CHST12: variants seen among roughly 807,000 people sequenced by gnomAD.
CHST12 encodes the protein carbohydrate (chondroitin 4) sulfotransferase 12.
A neutral mutation model predicts 27.9 loss-of-function variants in CHST12; 23 were observed. The ratio of observed to expected loss-of-function variants is 0.82; its 90% CI spans 0.59 to 1.17. The LOEUF is 1.17. CHST12 is among the 50% of genes most tolerant of loss of function. The probability of loss-of-function intolerance (pLI) is 0.00; values close to 1 mark genes in which losing one functional copy is unlikely to be tolerated. For synonymous variants in CHST12, 322 were observed against 273.0 expected (o/e 1.18, Z -1.77); for missense variants, 682 against 603.0 (o/e 1.13, Z -1.37).
chr7:2,441,245 C>G lies in CHST12; in HGVS notation c.*7361C>G, dbSNP rs1470031830. On this transcript the variant is annotated 3_prime_UTR_variant, in exon 2 of 2. Coordinates refer to ENST00000618655, the MANE Select transcript of CHST12 (RefSeq NM_018641.5). The stretch of plus-strand genomic sequence containing the variant: ...GGGGAGGGAGACAACAGAGCTGCCA[C>G]CTGCTCACCGCAGACCCAGGGGCCC... 6.6e-6 allele frequency: 1 copy of G among 152,340 alleles called. No homozygotes were observed. Among genetic ancestry groups the G allele is most frequent in the African/African-American group, 2.4e-5 (1 of 41,438 alleles). The allele number at this position is 152,340 out of a possible 1,614,324, so 9.4% of individuals were successfully genotyped here. A position where few individuals can be genotyped will look rare whatever the true frequency, so the allele number is the denominator to read the frequency against.
intron 1 of CHST12, among the ~76,000 whole-genome samples, chr7:2,421,815 C>G (rs915225506): frequency 6.6e-6 from 1 of 152,158 alleles, no homozygotes; most frequent in Non-Finnish European, 1.5e-5. Flanking sequence ...GTTCTCCCGC[C>G]TCAGCCTCCC....
rs1367400418 is a variant in CHST12, at chr7:2,445,336, AAAG to A, written c.*11453_*11455del. On this transcript the variant is annotated 3_prime_UTR_variant, in exon 2 of 2. Coordinates refer to ENST00000618655, the MANE Select transcript of CHST12 (RefSeq NM_018641.5). ...GGTGGATGTTTTGCATCTTCAGAAA[AAAG>A]CTCCTGTGGGATATTTCTCCTCCAG... 6.6e-6 allele frequency: 1 copy of A among 152,198 alleles called. No homozygotes were observed. The highest frequency in any genetic ancestry group is 1.5e-5 in the Non-Finnish European group (1 of 68,102). The allele number at this position is 152,198 out of a possible 1,614,324, so 9.4% of individuals were successfully genotyped here.
At chr7:2,404,086 G>T (rs1353631598) in intron 1 of CHST12, 1 of 152,460 alleles carries the variant, frequency 6.6e-6, no homozygotes, top group East Asian at 1.9e-4. Context: ...CAATTCCCGG[G>T]CTTGGAGTTC....
intron 1 of CHST12, among the ~76,000 whole-genome samples, chr7:2,430,288 C>T (rs1459795610): frequency 6.6e-6 from 1 of 151,886 alleles, no homozygotes; most frequent in Non-Finnish European, 1.5e-5. Flanking sequence ...TAAAATATTT[C>T]AATTCTTTTA....
chr7:2,409,378 G>A (rs1781605973), intron 1 of CHST12, among the ~76,000 whole-genome samples: 2 of 152,154 alleles, frequency 1.3e-5, no homozygotes, highest in Admixed American at 1.3e-4. Flanking sequence ...ACTTCAGGAG[G>A]CCGAGGCAGG....
intron 1 of CHST12, among the ~76,000 whole-genome samples, 199 bp downstream of exon 1, chr7:2,403,872 C>T (rs1781449897): frequency 6.6e-6 from 1 of 152,046 alleles, no homozygotes; most frequent in Non-Finnish European, 1.5e-5. Context: ...TGGCCCTGCG[C>T]GCGCCCTCTC....
intron 1 of CHST12, among the ~76,000 whole-genome samples, chr7:2,418,443 G>A (rs1781868865): frequency 6.6e-6 from 1 of 152,272 alleles, no homozygotes; most frequent in South Asian, 2.1e-4. Flanking sequence ...GCAGCCCACG[G>A]TTGGTGTGCC....
chr7:2,424,730 CCCT>C (rs1159055326), intron 1 of CHST12, among the ~76,000 whole-genome samples: 2 of 152,206 alleles, frequency 1.3e-5, no homozygotes, highest in African/African-American at 4.8e-5. Flanking sequence ...AGCCTGCTCC[CCCT>C]CCTCTGTGAC....
At chr7:2,412,115 G>T (rs1022708200) in intron 1 of CHST12, among the ~76,000 whole-genome samples, 4 of 152,162 alleles carry the variant, frequency 2.6e-5, no homozygotes, top group African/African-American at 9.7e-5. Flanking sequence ...TTTTCATTCA[G>T]GTCTCCTGGG....
In CHST12 at chr7:2,435,375, C is replaced by CTA. The variant is rs1386022897; in HGVS notation, c.*1492_*1493insAT. 1 of 152,236 alleles carries CTA rather than the reference C, an allele frequency of 6.6e-6. No individual in the cohort carries two copies. Among genetic ancestry groups the CTA allele is most frequent in the Non-Finnish European group, 1.5e-5 (1 of 68,098 alleles). The allele number at this position is 152,236 out of a possible 1,614,324, so 9.4% of individuals were successfully genotyped here. ...GTCACCAAGAAGAGGCTCCGTGTGA[C>CTA]TGTCTCTGTGGCTTTCTGGTTGGTT... On this transcript the variant is annotated 3_prime_UTR_variant, in exon 2 of 2. Transcript: ENST00000618655.
At position 2,448,432 on chromosome 7, in the gene CHST12, C is replaced by T. The variant is rs995657581; in HGVS notation, c.*14548C>T. 2 of 152,396 alleles carry T rather than the reference C, an allele frequency of 1.3e-5. No homozygotes were observed. Among genetic ancestry groups the T allele is most frequent in the East Asian group, 3.8e-4 (2 of 5,200 alleles). 9.4% of individuals were successfully genotyped at this position (152,396 alleles called of 1,614,324 possible). ...CTCAGGACCTCACAGAGCACCACGT[C>T]CTCTTCTGTGTCATATGCAGCTGGA... On this transcript the variant is annotated 3_prime_UTR_variant, in exon 2 of 2. Transcript: ENST00000618655.
At position 2,432,906 on chromosome 7, in the gene CHST12, G is replaced by A. The variant is rs974191414; in HGVS notation, c.267G>A (p.Glu89=). ...GCGACCTTCCCAGAAAGGAGACGGA[G>A]CAGCCGCCTGCGCCGGGGAGCATGG... ...KQSDLPRKET[E]QPPAPGSMEE... is the part of the protein sequence containing the mutation. Residue 89 remains glutamate, a synonymous_variant, in exon 2 of 2, where the codon GAG becomes GAA. Transcript: ENST00000618655. 6.2e-7 allele frequency: 1 copy of A among 1,613,162 alleles called. No homozygotes were observed. Among genetic ancestry groups the A allele is most frequent in the Admixed American group, 1.7e-5 (1 of 60,012 alleles).
chr7:2,408,117 C>T (rs952144358), intron 1 of CHST12, among the ~76,000 whole-genome samples: 10 of 151,978 alleles, frequency 6.6e-5, no homozygotes, highest in African/African-American at 2.2e-4. Flanking sequence ...CGCCTGTAAT[C>T]CCAGCACTTT....
intron 1 of CHST12, among the ~76,000 whole-genome samples, chr7:2,425,632 G>A (rs1782096149): frequency 6.6e-6 from 1 of 151,850 alleles, no homozygotes; most frequent in African/African-American, 2.4e-5. Context: ...CGGGACAGGT[G>A]CAGGGGGCCC....
Position 2,433,304 on chromosome 7 carries a change from G to C in CHST12, c.665G>C (p.Arg222Pro), listed in dbSNP as rs3735101. Residue 222 changes from arginine to proline, a missense_variant, in exon 2 of 2, where the codon CGC becomes CCC. Arg to Pro is a moderately radical substitution (Grantham distance 103, BLOSUM62 -2). Transcript: ENST00000618655. This position sits in a 1 kb window ranked among gnomAD's most constrained non-coding sequence, Gnocchi z 6.1. Reference sequence around the variant, plus strand: ...CTGACCTTCAACAAGTTCTGGCGCCGCTACGGGAAGCTCTCCCGCCACCTC... The same window carrying C: ...CTGACCTTCAACAAGTTCTGGCGCCCCTACGGGAAGCTCTCCCGCCACCTC... ...AHLTFNKFWR[R>P]YGKLSRHLMK... 6.2e-6 allele frequency: 10 copies of C among 1,612,274 alleles called. No individual in the cohort carries two copies. The highest frequency in any genetic ancestry group is 1.3e-5 in the African/African-American group (1 of 74,900).
chr7:2,414,253 C>T (rs1050289838), intron 1 of CHST12, among the ~76,000 whole-genome samples: 4 of 151,940 alleles, frequency 2.6e-5, no homozygotes, highest in African/African-American at 9.7e-5. Context: ...GGCCTATGGC[C>T]TGTCTTTTAC....
In CHST12 at chr7:2,444,920, A is replaced by C. The variant is rs1782713349; in HGVS notation, c.*11036A>C. On this transcript the variant is annotated 3_prime_UTR_variant, in exon 2 of 2. Coordinates refer to ENST00000618655, the MANE Select transcript of CHST12 (RefSeq NM_018641.5). ...TTTTTTTCAAAGCAGTTTGCAAAAT[A>C]ACCGGGGCCTTAAAAAACAATCTGG... 1 of 152,158 alleles carries C rather than the reference A, an allele frequency of 6.6e-6. No homozygotes were observed. Among genetic ancestry groups the C allele is most frequent in the African/African-American group, 2.4e-5 (1 of 41,436 alleles). 9.4% of individuals were successfully genotyped at this position (152,158 alleles called of 1,614,324 possible). A position where few individuals can be genotyped will look rare whatever the true frequency, so the allele number is the denominator to read the frequency against.
At chr7:2,432,141 CAAAAAAAAAAAAAAAAAA>C (rs34061454) in intron 1 of CHST12, among the ~76,000 whole-genome samples, 26 of 17,112 alleles carry the variant, frequency 1.5e-3, no homozygotes, top group Admixed American at 7.3e-3. Context: ...GACTCCATAT[CAAAAAAAAAAAAAAAAAA>C]AAAAAAAAAA....
intron 1 of CHST12, among the ~76,000 whole-genome samples, chr7:2,408,400 G>A (rs965877747): frequency 8.1e-5 from 12 of 147,738 alleles, no homozygotes; most frequent in African/African-American, 1.8e-4. Flanking sequence ...AGATCCTTGC[G>A]TACCCTCTCC....
Sources: allele counts gnomAD v4.1 joint callset (sites outside exome capture counted in the v4.1 genomes callset), GRCh38; gene constraint gnomAD v4.1.1; non-coding constraint Gnocchi (gnomAD v3.1); transcripts MANE v1.5; gene names NCBI Gene and HGNC (gene_info 2026-07-23, HGNC 2026-07-21).